The following TEX264 variants were observed in gnomAD, a reference collection of about 807,000 sequenced individuals.
TEX264 encodes the protein testis expressed 264, ER-phagy receptor.
TEX264 carries 13 observed loss-of-function variants against 23.4 expected under a neutral mutation model. The observed-to-expected ratio is 0.56, with a 90% CI of 0.36 to 0.88. TEX264 has a LOEUF of 0.88. TEX264 is among the 40% of genes least tolerant of loss of function. The probability of loss-of-function intolerance (pLI) is 0.01; values close to 1 mark genes in which losing one functional copy is unlikely to be tolerated. For synonymous variants in TEX264, 159 were observed against 170.0 expected (o/e 0.94, Z 0.50); for missense variants, 340 against 406.8 (o/e 0.84, Z 1.41).
At chr3:51,676,892 C>A (rs1212021047) in intron 2 of TEX264, among the ~76,000 whole-genome samples, 1 of 152,222 alleles carries the variant, frequency 6.6e-6, no homozygotes, top group East Asian at 1.9e-4. Flanking sequence ...GCCCTTCTGA[C>A]CCTGCCCATC....
intron 3 of TEX264, among the ~76,000 whole-genome samples, chr3:51,696,251 G>A (rs559173456): frequency 6.6e-6 from 1 of 152,272 alleles, no homozygotes; most frequent in African/African-American, 2.4e-5. Flanking sequence ...GGAAGGGGAT[G>A]TGCCAGGGCT....
At chr3:51,677,639 C>T (rs576959466) in intron 2 of TEX264, among the ~76,000 whole-genome samples, 13 of 152,298 alleles carry the variant, frequency 8.5e-5, no homozygotes, top group Admixed American at 2.6e-4. Context: ...AGCCATGCCT[C>T]GTCCTGTCCT....
chr3:51,684,774 G>T, intron 3 of TEX264, 140 bp downstream of exon 3: 1 of 746,136 alleles, frequency 1.3e-6, no homozygotes, highest in Non-Finnish European at 2.2e-6. Flanking sequence ...GGTACCTGTG[G>T]AGCTAGGAAG....
At chr3:51,687,736 T>G (rs985586395) in intron 3 of TEX264, among the ~76,000 whole-genome samples, 1 of 151,568 alleles carries the variant, frequency 6.6e-6, no homozygotes, top group Admixed American at 6.6e-5. Context: ...GGGGCAGGGG[T>G]GAATGGATCT....
intron 2 of TEX264, chr3:51,681,658 GT>G (rs1451102487): frequency 6.6e-6 from 1 of 152,472 alleles, no homozygotes; most frequent in Non-Finnish European, 1.5e-5. Context: ...TTTCATGTGG[GT>G]GTGTGTGGGG....
At chr3:51,697,622 G>GC (rs1249811569) in intron 3 of TEX264, among the ~76,000 whole-genome samples, 1 of 152,216 alleles carries the variant, frequency 6.6e-6, no homozygotes, top group African/African-American at 2.4e-5. Flanking sequence ...GGGCCTCCCT[G>GC]CCCCTGGCCT....
intron 3 of TEX264, among the ~76,000 whole-genome samples, chr3:51,684,967 T>C (rs1392796686): frequency 6.6e-6 from 1 of 152,246 alleles, no homozygotes; most frequent in Non-Finnish European, 1.5e-5. Context: ...CAGGCCACTT[T>C]ATTCTCATCC....
intron 3 of TEX264, among the ~76,000 whole-genome samples, chr3:51,687,061 G>A (rs560005935): frequency 3.7e-4 from 56 of 152,322 alleles, no homozygotes; most frequent in African/African-American, 1.3e-3. Flanking sequence ...TCCCATGGGA[G>A]CCTGTCAGCT....
chr3:51,695,004 C>T (rs750046916), intron 3 of TEX264, among the ~76,000 whole-genome samples: 1 of 152,240 alleles, frequency 6.6e-6, no homozygotes, highest in Admixed American at 6.5e-5. Context: ...CCATGAAGAC[C>T]AGCTGCCTGA....
At chr3:51,687,689 C>G (rs1702674106) in intron 3 of TEX264, among the ~76,000 whole-genome samples, 1 of 152,044 alleles carries the variant, frequency 6.6e-6, no homozygotes, top group African/African-American at 2.4e-5. Flanking sequence ...GGGGGGAGGA[C>G]TTGGCAGGCT....
intron 3 of TEX264, among the ~76,000 whole-genome samples, chr3:51,697,100 C>T (rs146311107): frequency 6.6e-6 from 1 of 152,330 alleles, no homozygotes; most frequent in Non-Finnish European, 1.5e-5. Flanking sequence ...ATGAAGGCGA[C>T]GGCAAGGATG....
At chr3:51,675,660 A>G (rs764998375) in intron 2 of TEX264, among the ~76,000 whole-genome samples, 10 of 152,176 alleles carry the variant, frequency 6.6e-5, no homozygotes, top group Non-Finnish European at 1.2e-4. Context: ...CTGTAGGTTC[A>G]GGGAGGCTGC....
chr3:51,677,598 C>G (rs537332596), intron 2 of TEX264, among the ~76,000 whole-genome samples: 1 of 152,234 alleles, frequency 6.6e-6, no homozygotes, highest in South Asian at 2.1e-4. Flanking sequence ...TAGATGCTGC[C>G]CACCCCATGA....
intron 3 of TEX264, among the ~76,000 whole-genome samples, chr3:51,695,576 CCTG>C (rs747212020): frequency 8.5e-5 from 13 of 152,330 alleles, no homozygotes; most frequent in South Asian, 2.1e-4. Flanking sequence ...TTCAGAAAGA[CCTG>C]CTGGGGAGGC....
rs1267244615 is a variant in TEX264, at chr3:51,684,529, C to A, written c.375C>A (p.Phe125Leu). The change falls in exon 3 of 5, where the codon TTC (phenylalanine) becomes TTA (leucine). Residue 125 changes from phenylalanine (F) to leucine (L), a missense_variant. Physicochemically the swap from Phe to Leu is conservative, Grantham distance 22 (BLOSUM62 0). Transcript: ENST00000341333. Reference protein sequence around the residue: ...YQKFGFKVFSFPAPSHVVTAT... With the variant: ...YQKFGFKVFSLPAPSHVVTAT... ...AATTTGGCTTCAAGGTGTTCTCCTT[C>A]CCGGCACCCAGCCATGTGGTGACAG... 1.9e-6 allele frequency: 3 copies of A among 1,614,202 alleles called. No individual in the cohort carries two copies. The highest frequency in any genetic ancestry group is 2.5e-6 in the Non-Finnish European group (3 of 1,180,034).
At chr3:51,698,858 G>GT (rs1218625754) in intron 3 of TEX264, among the ~76,000 whole-genome samples, 2 of 152,190 alleles carry the variant, frequency 1.3e-5, no homozygotes, top group African/African-American at 2.4e-5. Context: ...CTTGATCCTT[G>GT]TTCAGGGTCT....
chr3:51,699,273 A>G, intron 3 of TEX264, 133 bp from the exon 4 acceptor site: 1 of 878,212 alleles, frequency 1.1e-6, no homozygotes, highest in South Asian at 1.6e-5. Context: ...GGGCTTTGGA[A>G]CTTGGAAGAG....
At position 51,686,280 on chromosome 3, in the gene TEX264, G is replaced by A. The variant is rs774831464; in HGVS notation, c.480+1646G>A. On this transcript the variant is annotated intron_variant, in intron 3 of 4. Transcript: ENST00000341333. This position sits in a 1 kb window ranked among gnomAD's most constrained non-coding sequence, Gnocchi z 4.1. ...TGGCAGCAAAGGCTGCGCAGAGGGC[G>A]TGGCCAGTGTGGCAGGGGTCAGGGA... Among the ~76,000 whole-genome samples, 13 of 152,212 alleles carry A rather than the reference G, an allele frequency of 8.5e-5. No individual in the cohort carries two copies. The highest frequency in any genetic ancestry group is 1.3e-4 in the Non-Finnish European group (9 of 68,036).
At chr3:51,698,344 A>G (rs1398042155) in intron 3 of TEX264, among the ~76,000 whole-genome samples, 1 of 152,210 alleles carries the variant, frequency 6.6e-6, no homozygotes, top group African/African-American at 2.4e-5. Context: ...TTCAGAGCTC[A>G]TGGTGAGAGC....
Sources: gnomAD v4.1 joint callset for allele counts (sites outside exome capture counted in the v4.1 genomes callset) on GRCh38, gnomAD v4.1.1 for gene constraint, Gnocchi (gnomAD v3.1) non-coding constraint, MANE v1.5 for transcripts, NCBI Gene and HGNC (gene_info 2026-07-23, HGNC 2026-07-21) for gene names.